The following INPP4A variants were observed in gnomAD, a reference collection of about 807,000 sequenced individuals.
INPP4A encodes inositol polyphosphate-4-phosphatase, type I, 107kD.
Under a neutral mutation model 119.8 loss-of-function variants are expected in INPP4A, and 33 were observed. The observed-to-expected ratio is 0.28, with a 90% CI of 0.21 to 0.37. The LOEUF (loss-of-function observed/expected upper bound fraction) is 0.37. Among genes scored for constraint, INPP4A ranks in the 10% least tolerant of loss-of-function variants. The pLI, the probability that INPP4A is intolerant of heterozygous loss-of-function variation, is 1.00. For synonymous variants in INPP4A, 496 were observed against 500.7 expected (o/e 0.99, Z 0.12); for missense variants, 956 against 1,289.9 (o/e 0.74, Z 3.97).
intron 4 of INPP4A, among the ~76,000 whole-genome samples, chr2:98,527,355 C>T (rs1432618185): frequency 2.0e-5 from 3 of 152,156 alleles, no homozygotes; most frequent in African/African-American, 7.2e-5. Flanking sequence ...CAGCTTTTTC[C>T]CTGAGAATGT....
At chr2:98,580,432 A>G (rs990926970) in intron 24 of INPP4A, among the ~76,000 whole-genome samples, 5 of 152,220 alleles carry the variant, frequency 3.3e-5, no homozygotes, top group Admixed American at 6.5e-5. Context: ...TCAAGCTCCC[A>G]TGTGGCACCA....
At chr2:98,454,673 AG>A (rs1695794823) in intron 1 of INPP4A, among the ~76,000 whole-genome samples, 1 of 149,330 alleles carries the variant, frequency 6.7e-6, no homozygotes, top group South Asian at 2.2e-4. Flanking sequence ...ACTCCTGCTC[AG>A]GGTACCTTCC....
rs771424128 is a variant in INPP4A, at chr2:98,554,287, C to T, written c.1364C>T (p.Thr455Met). 19 of 1,606,106 alleles carry T rather than the reference C, an allele frequency of 1.2e-5. No homozygotes were observed. Among genetic ancestry groups the T allele is most frequent in the Admixed American group, 1.7e-5 (1 of 59,122 alleles). ...CACCTGCAGACACGGCAGCTGGTCA[C>T]GGTCTGCGACTGCAAGCTCCTGGCC... is the stretch of plus-strand genomic sequence containing the variant. ...ILADKTRQLVTVCDCKLLANS... is the reference protein window; with the variant it reads ...ILADKTRQLVMVCDCKLLANS... The change falls in exon 15 of 25, where the codon ACG becomes ATG. Residue 455 changes from threonine to methionine, a missense_variant. Thr to Met is a moderately conservative substitution (Grantham distance 81, BLOSUM62 -1). Around this residue, in one of 2 missense-constraint regions of INPP4A, gnomAD observed 652 missense variants for 797.9 expected, o/e 0.82. Coordinates refer to ENST00000409851, the MANE Select transcript of INPP4A (RefSeq NM_001134225.2). The surrounding 1 kb of genome is among the most constrained non-coding windows in gnomAD (Gnocchi z 4.7).
intron 21 of INPP4A, among the ~76,000 whole-genome samples, chr2:98,567,169 G>A (rs1696616176): frequency 6.6e-6 from 1 of 152,192 alleles, no homozygotes; most frequent in Non-Finnish European, 1.5e-5. Flanking sequence ...TGAGGAGGAG[G>A]CTGCTGGGAG....
intron 1 of INPP4A, among the ~76,000 whole-genome samples, chr2:98,457,730 G>T (rs541041591): frequency 6.6e-6 from 1 of 152,190 alleles, no homozygotes; most frequent in Non-Finnish European, 1.5e-5. Flanking sequence ...ACTTAGGCAG[G>T]CCTAGAAATA....
rs141830246 is a variant in INPP4A, at chr2:98,513,440, G to A, written c.-165-5524G>A. On this transcript the variant is annotated intron_variant, in intron 1 of 24. Transcript: ENST00000409851. ...TTCATAGCACTTAACTTTCTCATTG[G>A]TTATGTAGAGACATTCATTCACTCA... Among the ~76,000 whole-genome samples the A allele has an allele frequency of 1.2e-4, 18 of 152,298 alleles. 1 individual carries two copies. In the East Asian group the frequency reaches 3.5e-3, roughly 29 times the overall value.
intron 1 of INPP4A, among the ~76,000 whole-genome samples, chr2:98,459,325 G>A (rs1426379679): frequency 6.6e-6 from 1 of 152,182 alleles, no homozygotes; most frequent in Non-Finnish European, 1.5e-5. Context: ...AGAGTTCAGG[G>A]AGCTATTAGG....
At chr2:98,576,178 G>A (rs796929249) in intron 23 of INPP4A, among the ~76,000 whole-genome samples, 4 of 152,310 alleles carry the variant, frequency 2.6e-5, no homozygotes, top group African/African-American at 9.6e-5. Flanking sequence ...GATTGCCACA[G>A]ATTTACATGA....
Position 98,589,817 on chromosome 2 carries a change from A to G in INPP4A, c.*2209A>G, listed in dbSNP as rs1050766909. The G allele has an allele frequency of 6.9e-5, 13 of 188,470 alleles. No homozygotes were observed. The highest frequency in any genetic ancestry group is 6.2e-5 in the Admixed American group (1 of 16,190). 11.7% of individuals were successfully genotyped at this position (188,470 alleles called of 1,614,324 possible). ...TTACCGTAAAACAGAGGTTCCGTCC[A>G]GTGTTCCTTATGATGCCTCCCCATT... is the stretch of plus-strand genomic sequence containing the variant. On this transcript the variant is annotated 3_prime_UTR_variant, in exon 25 of 25. Coordinates refer to ENST00000409851, the MANE Select transcript of INPP4A (RefSeq NM_001134225.2).
At chr2:98,479,722 C>T (rs1476706361) in intron 1 of INPP4A, among the ~76,000 whole-genome samples, 1 of 152,182 alleles carries the variant, frequency 6.6e-6, no homozygotes, top group Non-Finnish European at 1.5e-5. Context: ...TCGGGGTACA[C>T]AGGATAGCAA....
Position 98,563,521 on chromosome 2 carries a change from A to G in INPP4A, c.1912A>G (p.Met638Val), listed in dbSNP as rs1436932204. The change falls in exon 18 of 25, where the codon ATG becomes GTG. Residue 638 changes from methionine (M) to valine (V), a missense_variant. Met to Val is a conservative substitution (Grantham distance 21). Transcript: ENST00000409851. ...LLTTLTDCVA[M>V]MSDKAKKAMV... ...GACCACTCTCACCGACTGCGTGGCC[A>G]TGATGAGTGACAAGGCCAAGAAGGC... 1.2e-6 allele frequency: 2 copies of G among 1,613,930 alleles called. No homozygotes were observed. Among genetic ancestry groups the G allele is most frequent in the Admixed American group, 1.7e-5 (1 of 60,008 alleles).
intron 1 of INPP4A, among the ~76,000 whole-genome samples, chr2:98,500,223 G>A (rs926475004): frequency 6.6e-6 from 1 of 152,070 alleles, no homozygotes; most frequent in African/African-American, 2.4e-5. Context: ...GAACTTCTAA[G>A]GTGGGAATAT....
In INPP4A at chr2:98,446,218, C is replaced by T. The variant is rs77835375; in HGVS notation, c.-166+1133C>T. On this transcript the variant is annotated intron_variant, in intron 1 of 24. Coordinates refer to ENST00000409851, the MANE Select transcript of INPP4A (RefSeq NM_001134225.2). ...GCTGCTGTTGGCGTTGGCCAGTGCA[C>T]GTAGAATTGCTTGCTATAGGTTGTC... Among the ~76,000 whole-genome samples the T allele has an allele frequency of 3.6e-3, 551 of 152,332 alleles. 27 individuals are homozygous for T. In the East Asian group the frequency reaches 0.077, roughly 21 times the overall value.
intron 13 of INPP4A, among the ~76,000 whole-genome samples, chr2:98,547,923 A>C (rs1302455840): frequency 3.9e-5 from 6 of 152,180 alleles, no homozygotes; most frequent in African/African-American, 1.4e-4. Context: ...GCAAAGGCCC[A>C]GGGAGCGTCA....
chr2:98,490,134 G>A (rs192033023), intron 1 of INPP4A, among the ~76,000 whole-genome samples: 6 of 151,942 alleles, frequency 3.9e-5, no homozygotes, highest in African/African-American at 1.4e-4. Flanking sequence ...GGGAGGGAGG[G>A]ACTGACAGGA....
rs1232679176 is a variant in INPP4A, at chr2:98,589,808, G to A, written c.*2200G>A. The A allele has an allele frequency of 5.3e-6, 1 of 187,146 alleles. No individual in the cohort carries two copies. Among genetic ancestry groups the A allele is most frequent in the Non-Finnish European group, 1.1e-5 (1 of 88,720 alleles). 11.6% of individuals were successfully genotyped at this position (187,146 alleles called of 1,614,324 possible). ...TTTTACAGGTTACCGTAAAACAGAG[G>A]TTCCGTCCAGTGTTCCTTATGATGC... is the stretch of plus-strand genomic sequence containing the variant. On this transcript the variant is annotated 3_prime_UTR_variant, in exon 25 of 25. Coordinates refer to ENST00000409851, the MANE Select transcript of INPP4A (RefSeq NM_001134225.2).
Position 98,520,773 on chromosome 2 carries a change from A to G in INPP4A, c.151+42A>G, listed in dbSNP as rs1207553298. On this transcript the variant is annotated intron_variant, in intron 4 of 24. Coordinates refer to ENST00000409851, the MANE Select transcript of INPP4A (RefSeq NM_001134225.2). Reference sequence around the variant, plus strand: ...ATTTTTTTGTTTTAAAAAATATTTTACTTAAAAATGAAAACAAAAACACTA... The same window carrying G: ...ATTTTTTTGTTTTAAAAAATATTTTGCTTAAAAATGAAAACAAAAACACTA... 9 of 1,180,458 alleles carry G rather than the reference A, an allele frequency of 7.6e-6. No homozygotes were observed. In the East Asian group the frequency reaches 2.3e-4, roughly 30 times the overall value. The allele number at this position is 1,180,458 out of a possible 1,614,324, so 73.1% of individuals were successfully genotyped here.
intron 21 of INPP4A, among the ~76,000 whole-genome samples, chr2:98,567,829 C>G (rs577828051): frequency 3.3e-5 from 5 of 152,242 alleles, no homozygotes; most frequent in African/African-American, 1.2e-4. Flanking sequence ...TTGTGGACAC[C>G]AGGGGTGGAT....
intron 16 of INPP4A, 153 bp downstream of exon 16, chr2:98,555,961 C>T: frequency 2.3e-6 from 2 of 877,468 alleles, no homozygotes; most frequent in Non-Finnish European, 3.4e-6. Context: ...CATGGAGCAG[C>T]AGGCAGTGAG....
Sources: allele counts gnomAD v4.1 joint callset (sites outside exome capture counted in the v4.1 genomes callset), GRCh38; gene constraint gnomAD v4.1.1; regional missense constraint gnomAD v4.1.1; non-coding constraint Gnocchi (gnomAD v3.1); transcripts MANE v1.5; gene names NCBI Gene and HGNC (gene_info 2026-07-23, HGNC 2026-07-21).